Variants in FOXP2 observed in about 807,000 individuals in gnomAD.
FOXP2 encodes the protein forkhead box P2, also known as forkhead box protein P2.
FOXP2 carries 12 observed loss-of-function variants against 115.8 expected under a neutral mutation model. The ratio of observed to expected loss-of-function variants is 0.10; its 90% CI spans 0.07 to 0.17. The LOEUF (loss-of-function observed/expected upper bound fraction) is 0.17, where lower values mean the gene tolerates loss of function less well. FOXP2 is among the 10% of genes least tolerant of loss of function. The pLI, the probability that FOXP2 is intolerant of heterozygous loss-of-function variation, is 1.00. For synonymous variants in FOXP2, 328 were observed against 297.7 expected, an observed-to-expected ratio of 1.10 and a Z score of -1.05; for missense variants, 629 against 843.5, an observed-to-expected ratio of 0.75 and a Z score of 3.15.
intron 13 of FOXP2, among the ~76,000 whole-genome samples, chr7:114,660,925 A>C (rs1189123256): frequency 6.6e-6 from 1 of 152,096 alleles, no homozygotes; most frequent in African/African-American, 2.4e-5. Context: ...TATTAGTTCT[A>C]ACTATATCGC....
intron 2 of FOXP2, among the ~76,000 whole-genome samples, chr7:114,386,009 G>C (rs1053123611): frequency 6.6e-6 from 1 of 152,308 alleles, no homozygotes; most frequent in East Asian, 1.9e-4. Context: ...TGTTCAGCTC[G>C]ATTAGGACGA....
chr7:114,568,464 T>C (rs1801131038), intron 3 of FOXP2, among the ~76,000 whole-genome samples: 1 of 151,754 alleles, frequency 6.6e-6, no homozygotes, highest in South Asian at 2.1e-4. Flanking sequence ...TGTTTTTGTT[T>C]GTTTGTTTTT....
intron 2 of FOXP2, among the ~76,000 whole-genome samples, chr7:114,408,967 A>C (rs983561497): frequency 6.6e-6 from 1 of 151,954 alleles, no homozygotes; most frequent in Non-Finnish European, 1.5e-5. Flanking sequence ...AATTCTATAG[A>C]GTTCTATCAT....
chr7:114,376,841 T>C (rs144099998), intron 2 of FOXP2, among the ~76,000 whole-genome samples: 1 of 152,252 alleles, frequency 6.6e-6, no homozygotes, highest in East Asian at 1.9e-4. Context: ...AGAAGCTGGA[T>C]AGATTGTGAG....
chr7:114,640,082 G>A (rs1012691370), intron 6 of FOXP2, among the ~76,000 whole-genome samples: 10 of 152,132 alleles, frequency 6.6e-5, no homozygotes, highest in Non-Finnish European at 8.8e-5. Context: ...GAGGCAGCTG[G>A]TAAGATGGTG....
intron 2 of FOXP2, among the ~76,000 whole-genome samples, chr7:114,312,506 C>A (rs1305359869): frequency 6.6e-6 from 1 of 152,146 alleles, no homozygotes; most frequent in African/African-American, 2.4e-5. Context: ...TTCCAGCAAA[C>A]CGTGTCTCTG....
At chr7:114,190,334 C>T (rs1233794841) in intron 1 of FOXP2, among the ~76,000 whole-genome samples, 5 of 152,188 alleles carry the variant, frequency 3.3e-5, no homozygotes, top group African/African-American at 1.2e-4. Flanking sequence ...ATCCGATTAA[C>T]TGAGGGCCTG....
At chr7:114,541,353 GAAGAGAC>G (rs1241126635) in intron 3 of FOXP2, among the ~76,000 whole-genome samples, 1 of 152,070 alleles carries the variant, frequency 6.6e-6, no homozygotes, top group Non-Finnish European at 1.5e-5. Flanking sequence ...AGAAAAAGCA[GAAGAGAC>G]AAGAGGGGAC....
chr7:114,438,814 A>C (rs17371272), intron 2 of FOXP2, among the ~76,000 whole-genome samples: 2 of 152,132 alleles, frequency 1.3e-5, no homozygotes, highest in Non-Finnish European at 2.9e-5. Flanking sequence ...TCAGATGCCC[A>C]ATATAAAATA....
intron 1 of FOXP2, among the ~76,000 whole-genome samples, chr7:114,120,427 T>A (rs1250106299): frequency 6.6e-6 from 1 of 152,124 alleles, no homozygotes; most frequent in African/African-American, 2.4e-5. Flanking sequence ...CATTTGAAAC[T>A]GGTGGCTAGC....
chr7:114,404,893 T>C (rs1037021556), intron 2 of FOXP2, among the ~76,000 whole-genome samples: 12 of 152,002 alleles, frequency 7.9e-5, no homozygotes, highest in African/African-American at 2.9e-4. Context: ...TGAAATTCCC[T>C]GCTGTTCGTG....
rs1204020117 is a variant in FOXP2, at chr7:114,532,143, A to G, written c.169-2474A>G. On this transcript the variant is annotated intron_variant, in intron 2 of 16. Coordinates refer to ENST00000350908, the MANE Select transcript of FOXP2 (RefSeq NM_014491.4). ...TCCAGCTCTAGAATTTTGCAGTTCT[A>G]TAGTAATAATTGATCAGATACTCAG... 2.6e-5 allele frequency among the ~76,000 whole-genome samples: 4 copies of G among 152,010 alleles called. No homozygotes were observed. In the East Asian group the frequency reaches 5.8e-4, roughly 22 times the overall value.
intron 3 of FOXP2, among the ~76,000 whole-genome samples, chr7:114,582,103 A>G (rs966874772): frequency 9.2e-5 from 14 of 152,198 alleles, no homozygotes; most frequent in Non-Finnish European, 7.3e-5. Flanking sequence ...GGCAATGAAA[A>G]GACTAAAAAT....
At chr7:114,308,864 A>G (rs948702251) in intron 2 of FOXP2, among the ~76,000 whole-genome samples, 5 of 152,178 alleles carry the variant, frequency 3.3e-5, no homozygotes, top group Admixed American at 2.0e-4. Context: ...TGTAATCCAA[A>G]AAGTCTCAAC....
chr7:114,151,348 T>G (rs1681676106), intron 1 of FOXP2, among the ~76,000 whole-genome samples: 1 of 152,116 alleles, frequency 6.6e-6, no homozygotes, highest in African/African-American at 2.4e-5. Context: ...AGTAGTTATA[T>G]TTCACTCAAA....
At chr7:114,577,524 A>G (rs1801636715) in intron 3 of FOXP2, among the ~76,000 whole-genome samples, 1 of 152,002 alleles carries the variant, frequency 6.6e-6, no homozygotes, top group Admixed American at 6.6e-5. Flanking sequence ...AGAATTCAAA[A>G]TTGAACTTTT....
chr7:114,156,913 G>A (rs1481828745), intron 1 of FOXP2, among the ~76,000 whole-genome samples: 3 of 152,120 alleles, frequency 2.0e-5, no homozygotes, highest in Non-Finnish European at 2.9e-5. Flanking sequence ...TTAAAACCAC[G>A]TGTTTTATTT....
At chr7:114,311,559 A>G (rs1797147475) in intron 2 of FOXP2, among the ~76,000 whole-genome samples, 1 of 152,118 alleles carries the variant, frequency 6.6e-6, no homozygotes, top group African/African-American at 2.4e-5. Context: ...GCTGAACGCC[A>G]TTTAGTTATA....
intron 3 of FOXP2, among the ~76,000 whole-genome samples, chr7:114,565,775 A>G (rs1800991313): frequency 6.6e-6 from 1 of 152,118 alleles, no homozygotes; most frequent in Admixed American, 6.6e-5. Flanking sequence ...GGCTAACTAT[A>G]TCAGAATAAA....
Sources: gnomAD v4.1 joint callset for allele counts (sites outside exome capture counted in the v4.1 genomes callset) on GRCh38, gnomAD v4.1.1 for gene constraint, MANE v1.5 for transcripts, NCBI Gene and HGNC (gene_info 2026-07-23, HGNC 2026-07-21) for gene names.